Variants in PPM1L observed in about 807,000 individuals in gnomAD.
PPM1L encodes protein phosphatase 1L.
PPM1L carries 13 observed loss-of-function variants against 31.4 expected under a neutral mutation model. The observed-to-expected ratio is 0.41, with a 90% confidence interval of 0.27 to 0.66. The LOEUF (loss-of-function observed/expected upper bound fraction) is 0.66. Ranked by LOEUF, PPM1L falls within the 30% of genes least tolerant of loss-of-function variation. The pLI, the probability that PPM1L is intolerant of heterozygous loss-of-function variation, is 0.29. For synonymous variants in PPM1L, 184 were observed against 175.4 expected, an observed-to-expected ratio of 1.05 and a Z score of -0.39; for missense variants, 326 against 453.7, an observed-to-expected ratio of 0.72 and a Z score of 2.56.
At chr3:161,042,068 C>G (rs1030771943) in intron 2 of PPM1L, among the ~76,000 whole-genome samples, 1 of 152,168 alleles carries the variant, frequency 6.6e-6, no homozygotes, top group African/African-American at 2.4e-5. Context: ...AACCTTCCTC[C>G]CCACCACCCT....
chr3:160,794,086 G>A lies in PPM1L; in HGVS notation c.399+37379G>A, dbSNP rs193141533. On this transcript the variant is annotated intron_variant, in intron 1 of 3. Transcript: ENST00000498165. Reference sequence around the variant, plus strand: ...CTCCCTCACCGAGCTATGTCTGCCTGGTTCTGTTTTAACTTTGAGCACCTC... The same window carrying A: ...CTCCCTCACCGAGCTATGTCTGCCTAGTTCTGTTTTAACTTTGAGCACCTC... 7.5e-3 allele frequency among the ~76,000 whole-genome samples: 1,129 copies of A among 150,344 alleles called. 11 individuals carry two copies. The highest frequency in any genetic ancestry group is 0.027 in the African/African-American group (1,092 of 39,832).
At position 160,818,895 on chromosome 3, in the gene PPM1L, T is replaced by A. The variant is rs560580856; in HGVS notation, c.399+62188T>A. Among the ~76,000 whole-genome samples, 87 of 152,036 alleles carry A rather than the reference T, an allele frequency of 5.7e-4. 2 individuals carry two copies. The South Asian group carries it at 0.018, about 31-fold the overall frequency. On this transcript the variant is annotated intron_variant, in intron 1 of 3. Coordinates refer to ENST00000498165, the MANE Select transcript of PPM1L (RefSeq NM_139245.4). Reference sequence around the variant, plus strand: ...AGCTTGACTTTTTAAAAAATTTATTTATTTATTTATTTTTTTACTTGTGCA... The same window carrying A: ...AGCTTGACTTTTTAAAAAATTTATTAATTTATTTATTTTTTTACTTGTGCA...
intron 1 of PPM1L, among the ~76,000 whole-genome samples, chr3:160,942,869 T>A (rs1175362570): frequency 6.6e-6 from 1 of 152,150 alleles, no homozygotes; most frequent in Non-Finnish European, 1.5e-5. Flanking sequence ...TAAAGGGAAA[T>A]TCTTTATGAT....
intron 3 of PPM1L, among the ~76,000 whole-genome samples, chr3:161,066,954 G>A (rs553335742): frequency 6.6e-6 from 1 of 152,310 alleles, no homozygotes; most frequent in East Asian, 1.9e-4. Flanking sequence ...CATTGGTCAG[G>A]TTTTCTGTTG....
chr3:160,909,461 G>A (rs1020968402), intron 1 of PPM1L, among the ~76,000 whole-genome samples: 1 of 152,176 alleles, frequency 6.6e-6, no homozygotes, highest in Non-Finnish European at 1.5e-5. Context: ...TTAAGTTTGA[G>A]GTATTAGCAC....
At chr3:161,007,568 T>C (rs935938562) in intron 2 of PPM1L, among the ~76,000 whole-genome samples, 2 of 152,256 alleles carry the variant, frequency 1.3e-5, no homozygotes, top group African/African-American at 2.4e-5. Context: ...ACCTGCAGTC[T>C]GCATGCAGCC....
chr3:160,793,714 T>C (rs1712166579), intron 1 of PPM1L, among the ~76,000 whole-genome samples: 1 of 152,220 alleles, frequency 6.6e-6, no homozygotes, highest in African/African-American at 2.4e-5. Flanking sequence ...AGAGACTTTA[T>C]TTCAATAGAC....
At chr3:161,057,211 ATG>A (rs1719437927) in intron 2 of PPM1L, among the ~76,000 whole-genome samples, 2 of 152,094 alleles carry the variant, frequency 1.3e-5, no homozygotes, top group South Asian at 4.2e-4. Context: ...CAGCCATGAG[ATG>A]TGATGCCAAC....
intron 1 of PPM1L, among the ~76,000 whole-genome samples, chr3:160,870,956 A>G (rs1029834933): frequency 6.6e-6 from 1 of 152,192 alleles, no homozygotes; most frequent in Non-Finnish European, 1.5e-5. Flanking sequence ...CCACTTGTCT[A>G]TTGAGCACAT....
At chr3:160,947,735 C>T (rs1276787378) in intron 1 of PPM1L, among the ~76,000 whole-genome samples, 1 of 152,160 alleles carries the variant, frequency 6.6e-6, no homozygotes, top group Non-Finnish European at 1.5e-5. Context: ...CCCTCCAAGC[C>T]TGGTGATAGC....
At chr3:161,059,283 A>C (rs898469646) in intron 2 of PPM1L, among the ~76,000 whole-genome samples, 1 of 152,160 alleles carries the variant, frequency 6.6e-6, no homozygotes, top group Non-Finnish European at 1.5e-5. Flanking sequence ...TCTTGGATGG[A>C]GGAAAGAACT....
intron 2 of PPM1L, among the ~76,000 whole-genome samples, chr3:161,019,146 C>T (rs561628895): frequency 7.2e-5 from 11 of 152,128 alleles, no homozygotes; most frequent in South Asian, 2.1e-4. Flanking sequence ...CTCAAAATTG[C>T]AACCCAAATT....
At chr3:160,789,249 C>T (rs987436290) in intron 1 of PPM1L, among the ~76,000 whole-genome samples, 5 of 151,784 alleles carry the variant, frequency 3.3e-5, no homozygotes, top group African/African-American at 9.7e-5. Flanking sequence ...GAAATGAGAT[C>T]GTTTATGGCA....
intron 1 of PPM1L, among the ~76,000 whole-genome samples, chr3:160,863,318 C>T (rs1279825478): frequency 7.9e-5 from 12 of 152,180 alleles, no homozygotes; most frequent in African/African-American, 2.4e-5. Context: ...GCTTTCTAGT[C>T]GTCTTTGTCA....
In PPM1L at chr3:161,072,908, C is replaced by A. The variant is rs1319601836; in HGVS notation, c.*3751C>A. ...GACCCACAACTAGACTGTTCATACCCTAATAGTTCCCCAAAATTGCCTTAG... is the reference window on the plus strand; with the variant it reads ...GACCCACAACTAGACTGTTCATACCATAATAGTTCCCCAAAATTGCCTTAG... On this transcript the variant is annotated 3_prime_UTR_variant, in exon 4 of 4. Transcript: ENST00000498165. The A allele has an allele frequency of 1.3e-5, 2 of 152,176 alleles. No individual in the cohort carries two copies. The highest frequency in any genetic ancestry group is 4.8e-5 in the African/African-American group (2 of 41,442). The allele number at this position is 152,176 out of a possible 1,614,324, so 9.4% of individuals were successfully genotyped here. A position where few individuals can be genotyped will look rare whatever the true frequency, so the allele number is the denominator to read the frequency against.
chr3:160,991,767 G>T (rs1717142778), intron 2 of PPM1L, among the ~76,000 whole-genome samples: 1 of 152,102 alleles, frequency 6.6e-6, no homozygotes, highest in Non-Finnish European at 1.5e-5. Context: ...ACTGGAAATT[G>T]ACCAGCCTAC....
intron 2 of PPM1L, among the ~76,000 whole-genome samples, chr3:161,052,837 A>G (rs1386229379): frequency 1.3e-5 from 2 of 152,224 alleles, no homozygotes; most frequent in Non-Finnish European, 2.9e-5. Context: ...TCTTTTAAGT[A>G]CCAGATGCTT....
chr3:160,809,527 C>T (rs1174685774), intron 1 of PPM1L, among the ~76,000 whole-genome samples: 1 of 152,164 alleles, frequency 6.6e-6, no homozygotes, highest in Non-Finnish European at 1.5e-5. Flanking sequence ...CCTGGACTCT[C>T]ATGGTGCCCA....
At chr3:160,985,950 C>T (rs991933980) in intron 2 of PPM1L, among the ~76,000 whole-genome samples, 3 of 142,170 alleles carry the variant, frequency 2.1e-5, no homozygotes, top group African/African-American at 2.6e-5. Flanking sequence ...ATATTGATGG[C>T]ACAGTTCTCA....
Sources: allele counts gnomAD v4.1 joint callset (sites outside exome capture counted in the v4.1 genomes callset), GRCh38; gene constraint gnomAD v4.1.1; transcripts MANE v1.5; gene names NCBI Gene and HGNC (gene_info 2026-07-23, HGNC 2026-07-21).